Variants in KCNIP4 observed in about 807,000 individuals in gnomAD.
KCNIP4 encodes the protein potassium voltage-gated channel interacting protein 4.
In KCNIP4, 12 loss-of-function variants were observed where a neutral mutation model predicts 34.0. The ratio of observed to expected loss-of-function variants is 0.35; its 90% CI spans 0.23 to 0.57. The LOEUF (loss-of-function observed/expected upper bound fraction) is 0.57, where lower values mean the gene tolerates loss of function less well. KCNIP4 is among the 20% of genes least tolerant of loss of function. The pLI is 0.83. For synonymous variants in KCNIP4, 124 were observed against 102.2 expected, an observed-to-expected ratio of 1.21 and a Z score of -1.29; for missense variants, 238 against 311.7, an observed-to-expected ratio of 0.76 and a Z score of 1.78.
Position 20,970,914 on chromosome 4 carries a change from A to T in KCNIP4, c.62-88205T>A, listed in dbSNP as rs181245849. Among the ~76,000 whole-genome samples, 4 of 152,282 alleles carry T rather than the reference A, an allele frequency of 2.6e-5. No individual in the cohort carries two copies. The East Asian group carries it at 7.7e-4, about 29-fold the overall frequency. On this transcript the variant is annotated intron_variant, in intron 1 of 8. Coordinates refer to ENST00000382152, the MANE Select transcript of KCNIP4 (RefSeq NM_025221.6). ...CATATGCGGTGCTTGAAATTTAGCA[A>T]AAGAGAAAGACATAGACATCAAGTG... is the stretch of plus-strand genomic sequence containing the variant.
At chr4:21,368,859 G>A (rs1720058159) in intron 1 of KCNIP4, among the ~76,000 whole-genome samples, 1 of 147,400 alleles carries the variant, frequency 6.8e-6, no homozygotes, top group Admixed American at 6.6e-5. Flanking sequence ...GTATGTTCTG[G>A]ATTATACAGG....
intron 1 of KCNIP4, chr4:21,697,466 G>A (rs1272529): frequency 2.0e-6 from 3 of 1,533,996 alleles, no homozygotes; most frequent in South Asian, 1.3e-5. Context: ...CCTCTGAGGA[G>A]AGCCAGAAGT....
chr4:21,409,956 A>G (rs1724339040), intron 1 of KCNIP4, among the ~76,000 whole-genome samples: 1 of 152,206 alleles, frequency 6.6e-6, no homozygotes, highest in Admixed American at 6.5e-5. Context: ...TGAGAAGAGT[A>G]GGAAGACCTG....
rs182424018 is a variant in KCNIP4 at position 20,811,885 on chromosome 4, C to T, written c.288+38658G>A. 1.1e-4 allele frequency among the ~76,000 whole-genome samples: 16 copies of T among 152,158 alleles called. No homozygotes were observed. The East Asian group carries it at 2.7e-3, about 26-fold the overall frequency. On this transcript the variant is annotated intron_variant, in intron 3 of 8. Coordinates refer to ENST00000382152, the MANE Select transcript of KCNIP4 (RefSeq NM_025221.6). ...AGAGATGGAGAAGTCAGAGAAGTGG[C>T]TTGGATGGGCAGGTTGGGGCTGGAC...
chr4:21,215,293 T>C (rs1469940720), intron 1 of KCNIP4, among the ~76,000 whole-genome samples: 2 of 152,182 alleles, frequency 1.3e-5, no homozygotes, highest in East Asian at 1.9e-4. Context: ...ATACTTCAAT[T>C]AGAAAGTCAT....
At chr4:21,714,786 A>ATTTATTTCATTTTATCTATT (rs72180375) in intron 1 of KCNIP4, among the ~76,000 whole-genome samples, 1 of 46,250 alleles carries the variant, frequency 2.2e-5, no homozygotes, top group African/African-American at 1.3e-4. Context: ...TTTCCCTTTG[A>ATTTATTTCATTTTATCTATT]TTATTTTATT....
intron 1 of KCNIP4, among the ~76,000 whole-genome samples, chr4:21,072,488 T>G (rs1745047483): frequency 7.3e-6 from 1 of 136,256 alleles, no homozygotes; most frequent in Admixed American, 7.0e-5. Context: ...TTTGATGGGG[T>G]TTTTTTTTTC....
At chr4:21,899,408 T>A (rs1260551935) in intron 1 of KCNIP4, among the ~76,000 whole-genome samples, 1 of 152,100 alleles carries the variant, frequency 6.6e-6, no homozygotes, top group Non-Finnish European at 1.5e-5. Flanking sequence ...ACCACTGTTA[T>A]ACAATATAGT....
intron 3 of KCNIP4, among the ~76,000 whole-genome samples, chr4:20,799,450 G>A (rs1344037246): frequency 6.6e-6 from 1 of 152,176 alleles, no homozygotes; most frequent in African/African-American, 2.4e-5. Flanking sequence ...CATAGTACCT[G>A]AAGTCCCAGG....
At chr4:21,252,772 TTTG>T in intron 1 of KCNIP4, among the ~76,000 whole-genome samples, 1 of 151,262 alleles carries the variant, frequency 6.6e-6, no homozygotes, top group Non-Finnish European at 1.5e-5. Flanking sequence ...TTTTTTTTTT[TTTG>T]TCGTAAGTAT....
At chr4:21,325,375 A>G (rs1176898168) in intron 1 of KCNIP4, among the ~76,000 whole-genome samples, 1 of 151,628 alleles carries the variant, frequency 6.6e-6, no homozygotes, top group African/African-American at 2.4e-5. Context: ...AGGTTTTCCA[A>G]TTTATTGGTA....
intron 1 of KCNIP4, among the ~76,000 whole-genome samples, chr4:21,939,046 C>T (rs1209164064): frequency 6.6e-6 from 1 of 152,088 alleles, no homozygotes; most frequent in East Asian, 1.9e-4. Flanking sequence ...TAAAATTTTG[C>T]TGTAACAGTA....
chr4:20,736,184 T>C (rs907462755), intron 5 of KCNIP4, among the ~76,000 whole-genome samples: 4 of 152,234 alleles, frequency 2.6e-5, no homozygotes, highest in African/African-American at 9.6e-5. Flanking sequence ...CAAGGAATTT[T>C]TGTGCATACA....
chr4:20,946,703 G>C (rs376572654), intron 1 of KCNIP4, among the ~76,000 whole-genome samples: 4 of 151,968 alleles, frequency 2.6e-5, no homozygotes, highest in Non-Finnish European at 5.9e-5. Flanking sequence ...TATGTGTCAG[G>C]CACCGTGTCT....
chr4:21,939,971 C>CTGG (rs1427291737), intron 1 of KCNIP4, among the ~76,000 whole-genome samples: 1 of 152,076 alleles, frequency 6.6e-6, no homozygotes, highest in Non-Finnish European at 1.5e-5. Context: ...ATGCCTCTGC[C>CTGG]TACACCAGAA....
chr4:21,250,217 TAAA>T (rs34472391), intron 1 of KCNIP4, among the ~76,000 whole-genome samples: 7 of 140,514 alleles, frequency 5.0e-5, no homozygotes, highest in Admixed American at 1.4e-4. Context: ...TTAGGACTGT[TAAA>T]AAAAAAAAAA....
intron 1 of KCNIP4, among the ~76,000 whole-genome samples, chr4:21,089,810 A>G (rs1426153778): frequency 6.6e-6 from 1 of 152,070 alleles, no homozygotes; most frequent in Non-Finnish European, 1.5e-5. Flanking sequence ...TTACATTTCA[A>G]CCAGACTGAT....
intron 1 of KCNIP4, among the ~76,000 whole-genome samples, chr4:21,120,192 C>T (rs529586428): frequency 1.1e-4 from 14 of 131,546 alleles, no homozygotes; most frequent in South Asian, 2.2e-4. Context: ...AAAGTCCTTA[C>T]GAAGAAACAA....
intron 1 of KCNIP4, among the ~76,000 whole-genome samples, chr4:21,083,053 G>T (rs1560705706): frequency 6.6e-6 from 1 of 151,704 alleles, no homozygotes; most frequent in Non-Finnish European, 1.5e-5. Context: ...TTGGATGCAG[G>T]TCTCTTTGGT....
Sources: allele counts gnomAD v4.1 joint callset (sites outside exome capture counted in the v4.1 genomes callset), GRCh38; gene constraint gnomAD v4.1.1; transcripts MANE v1.5; gene names NCBI Gene and HGNC (gene_info 2026-07-23, HGNC 2026-07-21).